CNTN1: variants seen among roughly 807,000 people sequenced by gnomAD.
The protein encoded by CNTN1 is contactin 1, also known as contactin-1.
In CNTN1, 38 loss-of-function variants were observed where a neutral mutation model predicts 126.4. The ratio of observed to expected loss-of-function variants is 0.30; its 90% CI spans 0.23 to 0.39. The LOEUF (loss-of-function observed/expected upper bound fraction) is 0.39. Among genes scored for constraint, CNTN1 ranks in the 10% least tolerant of loss-of-function variants. The pLI, the probability that CNTN1 is intolerant of heterozygous loss-of-function variation, is 1.00. For missense variants in CNTN1, 1,009 were observed against 1,248.4 expected, an observed-to-expected ratio of 0.81 and a Z score of 2.89; for synonymous variants, 413 against 422.6, an observed-to-expected ratio of 0.98 and a Z score of 0.28.
chr12:40,950,819 C>A (rs1946645884), intron 14 of CNTN1, among the ~76,000 whole-genome samples: 1 of 152,034 alleles, frequency 6.6e-6, no homozygotes, highest in African/African-American at 2.4e-5. Context: ...TCACACTTCC[C>A]ATGTATAGAC....
intron 1 of CNTN1, among the ~76,000 whole-genome samples, chr12:40,751,968 A>G (rs1938420526): frequency 6.6e-6 from 1 of 152,036 alleles, no homozygotes; most frequent in African/African-American, 2.4e-5. Flanking sequence ...CATTTTTATT[A>G]TCATTATTTA....
rs947001447 is a variant in CNTN1, at chr12:40,916,051, G to A, written c.95-2588G>A. Among the ~76,000 whole-genome samples, 9 of 152,018 alleles carry A rather than the reference G, an allele frequency of 5.9e-5. No homozygotes were observed. The East Asian group carries it at 1.5e-3, about 26-fold the overall frequency. ...CTAGGCTTGTCGCATAAATATCGAA[G>A]TACTTAGAAGATCTTTATGAACTTT... On this transcript the variant is annotated intron_variant, in intron 3 of 23. Transcript: ENST00000551295.
rs544209589 is a variant in CNTN1 at position 40,934,428 on chromosome 12, T to G, written c.985+550T>G. Among the ~76,000 whole-genome samples, 3 of 148,098 alleles carry G rather than the reference T, an allele frequency of 2.0e-5. No individual in the cohort carries two copies. In the South Asian group the frequency reaches 6.3e-4, roughly 31 times the overall value. On this transcript the variant is annotated intron_variant, in intron 9 of 23. Coordinates refer to ENST00000551295, the MANE Select transcript of CNTN1 (RefSeq NM_001843.4). ...CTTTGAGAACCACTGGTTTAAGAAATCTTTTTTTTTTTTTTTGACAAAATT... is the reference window on the plus strand; with the variant it reads ...CTTTGAGAACCACTGGTTTAAGAAAGCTTTTTTTTTTTTTTTGACAAAATT...
chr12:40,825,974 C>A (rs1209640335), intron 1 of CNTN1, among the ~76,000 whole-genome samples: 1 of 152,072 alleles, frequency 6.6e-6, no homozygotes, highest in Admixed American at 6.6e-5. Context: ...TCAGAGTTGG[C>A]TATGGAGATT....
At chr12:40,966,535 A>G (rs1281508383) in intron 15 of CNTN1, among the ~76,000 whole-genome samples, 2 of 152,206 alleles carry the variant, frequency 1.3e-5, no homozygotes, top group African/African-American at 4.8e-5. Flanking sequence ...ATTTGGTTAT[A>G]ACAAATGCAG....
chr12:41,018,090 CAAA>C (rs112670448), intron 19 of CNTN1, among the ~76,000 whole-genome samples: 8 of 146,868 alleles, frequency 5.4e-5, no homozygotes, highest in South Asian at 2.2e-4. Flanking sequence ...AAGTCCATCT[CAAA>C]AAAAAAAAAT....
At chr12:41,028,361 T>C (rs1337706812) in intron 22 of CNTN1, among the ~76,000 whole-genome samples, 1 of 152,112 alleles carries the variant, frequency 6.6e-6, no homozygotes, top group Non-Finnish European at 1.5e-5. Flanking sequence ...TATTTAATAG[T>C]TGTAGAGCAG....
At chr12:41,035,691 T>A (rs796653118) in intron 23 of CNTN1, among the ~76,000 whole-genome samples, 38 of 152,256 alleles carry the variant, frequency 2.5e-4, no homozygotes, top group African/African-American at 8.9e-4. Context: ...AAGAAGGTGA[T>A]GTAGGCTGAA....
At chr12:40,838,293 C>G (rs1942142484) in intron 1 of CNTN1, among the ~76,000 whole-genome samples, 1 of 150,144 alleles carries the variant, frequency 6.7e-6, no homozygotes. Flanking sequence ...AATGGGCCCG[C>G]CTAGCCCATT....
intron 1 of CNTN1, among the ~76,000 whole-genome samples, chr12:40,889,000 C>T (rs1032884609): frequency 6.6e-6 from 1 of 152,352 alleles, no homozygotes; most frequent in South Asian, 2.1e-4. Context: ...GCCAGGGATG[C>T]GCTCCATGGA....
At chr12:41,039,096 G>A (rs1949336781) in intron 23 of CNTN1, among the ~76,000 whole-genome samples, 1 of 152,164 alleles carries the variant, frequency 6.6e-6, no homozygotes, top group South Asian at 2.1e-4. Flanking sequence ...CCTGATTAAG[G>A]ACTTTAGATT....
intron 23 of CNTN1, among the ~76,000 whole-genome samples, chr12:41,039,814 A>G (rs1353562501): frequency 2.6e-5 from 4 of 152,146 alleles, no homozygotes; most frequent in Non-Finnish European, 5.9e-5. Context: ...AAGGAAAACA[A>G]GGATTTATTA....
intron 1 of CNTN1, among the ~76,000 whole-genome samples, chr12:40,702,150 G>A (rs1941612421): frequency 1.3e-5 from 2 of 149,118 alleles, no homozygotes; most frequent in South Asian, 4.2e-4. Flanking sequence ...TGCCCAGCCT[G>A]TTCTCGGACT....
At chr12:40,828,288 A>G (rs1245043262) in intron 1 of CNTN1, 1 of 152,192 alleles carries the variant, frequency 6.6e-6, no homozygotes, top group African/African-American at 2.4e-5. Context: ...ACGACAGATA[A>G]GTCAACACAT....
At chr12:41,007,557 G>T (rs1427281916) in intron 17 of CNTN1, among the ~76,000 whole-genome samples, 1 of 152,152 alleles carries the variant, frequency 6.6e-6, no homozygotes, top group Admixed American at 6.5e-5. Flanking sequence ...TCTCTCTATA[G>T]AGAGAGGGGT....
intron 15 of CNTN1, among the ~76,000 whole-genome samples, chr12:40,960,303 AC>A (rs1385434979): frequency 6.6e-5 from 10 of 151,938 alleles, no homozygotes; most frequent in African/African-American, 2.4e-4. Flanking sequence ...AGTTAAAATT[AC>A]TATTTTTTCA....
At chr12:40,920,481 C>T (rs1394602140) in intron 4 of CNTN1, among the ~76,000 whole-genome samples, 2 of 142,866 alleles carry the variant, frequency 1.4e-5, no homozygotes, top group Admixed American at 1.4e-4. Flanking sequence ...GTTATGAAGA[C>T]AGTCTGCATT....
intron 1 of CNTN1, 74 bp from the exon 2 acceptor site, chr12:40,908,283 C>T (rs945514853): frequency 6.8e-6 from 4 of 585,956 alleles, no homozygotes; most frequent in South Asian, 2.2e-5. Flanking sequence ...TTCTTCTCCT[C>T]TCCTCCTCTC....
chr12:40,839,032 A>G (rs2136575485), intron 1 of CNTN1, among the ~76,000 whole-genome samples: 1 of 152,348 alleles, frequency 6.6e-6, no homozygotes, highest in South Asian at 2.1e-4. Flanking sequence ...AGAAAAAACA[A>G]TCCAGGATAT....
Sources: gnomAD v4.1 joint callset for allele counts (sites outside exome capture counted in the v4.1 genomes callset) on GRCh38, gnomAD v4.1.1 for gene constraint, MANE v1.5 for transcripts, NCBI Gene and HGNC (gene_info 2026-07-23, HGNC 2026-07-21) for gene names.